Variants in SGCZ observed in about 807,000 individuals in gnomAD.
The protein encoded by SGCZ is sarcoglycan zeta, also known as zeta-sarcoglycan.
A neutral mutation model predicts 41.3 loss-of-function variants in SGCZ; 40 were observed. The ratio of observed to expected loss-of-function variants is 0.97; its 90% CI spans 0.75 to 1.26. SGCZ has a LOEUF of 1.26. Ranked by LOEUF, SGCZ falls within the 50% of genes most tolerant of loss-of-function variation. SGCZ has a pLI of 0.00. For missense variants in SGCZ, 552 were observed against 369.8 expected, an observed-to-expected ratio of 1.49 and a Z score of -4.04; for synonymous variants, 206 against 137.5, an observed-to-expected ratio of 1.50 and a Z score of -3.49.
intron 1 of SGCZ, among the ~76,000 whole-genome samples, chr8:14,885,411 G>A (rs553428278): frequency 1.3e-4 from 20 of 152,108 alleles, no homozygotes; most frequent in Non-Finnish European, 2.6e-4. Context: ...TGAATTTTGA[G>A]TATGATACAT....
intron 1 of SGCZ, among the ~76,000 whole-genome samples, chr8:15,119,788 G>C (rs1807409857): frequency 6.6e-6 from 1 of 151,890 alleles, no homozygotes; most frequent in African/African-American, 2.4e-5. Context: ...TCTCCATCTG[G>C]CCCTAACACT....
At chr8:14,519,444 C>T (rs913605870) in intron 2 of SGCZ, among the ~76,000 whole-genome samples, 50 of 152,048 alleles carry the variant, frequency 3.3e-4, no homozygotes, top group Non-Finnish European at 2.9e-4. Flanking sequence ...TAACTCTCTA[C>T]TTTTAATAAG....
chr8:14,840,560 T>C (rs1460071680), intron 1 of SGCZ, among the ~76,000 whole-genome samples: 1 of 152,116 alleles, frequency 6.6e-6, no homozygotes, highest in Admixed American at 6.5e-5. Context: ...TAAGTGGGAC[T>C]AATGGAGGGG....
intron 2 of SGCZ, among the ~76,000 whole-genome samples, chr8:14,391,926 T>C (rs966850687): frequency 6.6e-6 from 1 of 151,932 alleles, no homozygotes; most frequent in African/African-American, 2.4e-5. Context: ...CTTTAGAAAA[T>C]TCACTATTGC....
intron 1 of SGCZ, among the ~76,000 whole-genome samples, chr8:14,799,955 T>C (rs944145730): frequency 6.6e-6 from 1 of 152,176 alleles, no homozygotes; most frequent in African/African-American, 2.4e-5. Flanking sequence ...AGAGGTATTT[T>C]TGTAAAAAGT....
intron 1 of SGCZ, among the ~76,000 whole-genome samples, chr8:14,882,281 T>C (rs1804620761): frequency 6.6e-6 from 1 of 152,132 alleles, no homozygotes; most frequent in Non-Finnish European, 1.5e-5. Context: ...AGGGAACCTT[T>C]GGGAAGCATA....
intron 2 of SGCZ, among the ~76,000 whole-genome samples, chr8:14,446,872 CGAG>C (rs1422777965): frequency 6.6e-6 from 1 of 151,966 alleles, no homozygotes; most frequent in Non-Finnish European, 1.5e-5. Context: ...TAAAAGATCA[CGAG>C]GAGATTATAG....
intron 1 of SGCZ, among the ~76,000 whole-genome samples, chr8:15,105,568 T>C (rs909072767): frequency 2.0e-5 from 3 of 152,066 alleles, no homozygotes; most frequent in Admixed American, 1.3e-4. Context: ...AAGACCATCA[T>C]GAGAACAGGA....
At chr8:14,641,819 TA>T (rs1807037068) in intron 1 of SGCZ, among the ~76,000 whole-genome samples, 1 of 151,576 alleles carries the variant, frequency 6.6e-6, no homozygotes, top group South Asian at 2.1e-4. Flanking sequence ...TCCTTGCAAT[TA>T]TGGGAATAAA....
intron 1 of SGCZ, among the ~76,000 whole-genome samples, chr8:14,624,555 A>ATTATTATTT (rs1438250019): frequency 4.3e-4 from 41 of 96,236 alleles, no homozygotes; most frequent in East Asian, 7.7e-4. Flanking sequence ...TATTATTATT[A>ATTATTATTT]TTTTTTTTTT....
intron 1 of SGCZ, among the ~76,000 whole-genome samples, chr8:15,192,859 TG>T (rs1448708035): frequency 6.6e-6 from 1 of 152,076 alleles, no homozygotes; most frequent in Non-Finnish European, 1.5e-5. Flanking sequence ...TAACCAGTTT[TG>T]TTTTATTTTA....
chr8:15,113,817 A>C (rs758211562), intron 1 of SGCZ, among the ~76,000 whole-genome samples: 2 of 152,312 alleles, frequency 1.3e-5, no homozygotes, highest in East Asian at 3.9e-4. Context: ...CAGTAAAAGC[A>C]AAGTCTGTAA....
intron 3 of SGCZ, among the ~76,000 whole-genome samples, chr8:14,272,491 A>G (rs1297344089): frequency 2.0e-5 from 3 of 152,180 alleles, no homozygotes; most frequent in Admixed American, 2.0e-4. Context: ...TTGTGGGGTG[A>G]ATGACTTAAT....
chr8:14,957,702 G>A (rs1341643066), intron 1 of SGCZ, among the ~76,000 whole-genome samples: 3 of 151,578 alleles, frequency 2.0e-5, no homozygotes, highest in Admixed American at 6.6e-5. Flanking sequence ...CTATTTTTAC[G>A]GCAAATTTTA....
intron 1 of SGCZ, among the ~76,000 whole-genome samples, chr8:14,890,341 A>T (rs956604686): frequency 6.6e-6 from 1 of 152,162 alleles, no homozygotes; most frequent in African/African-American, 2.4e-5. Flanking sequence ...TAAAAGTGTT[A>T]CTCTAGTGAA....
At chr8:14,871,857 T>C (rs1394703745) in intron 1 of SGCZ, among the ~76,000 whole-genome samples, 1 of 150,684 alleles carries the variant, frequency 6.6e-6, no homozygotes. Flanking sequence ...TATATATGCA[T>C]GTATGTATAT....
intron 1 of SGCZ, among the ~76,000 whole-genome samples, chr8:14,750,664 A>G: frequency 6.6e-6 from 1 of 152,192 alleles, no homozygotes; most frequent in East Asian, 1.9e-4. Context: ...AGACATTATG[A>G]TACAAAATGA....
At chr8:14,476,725 G>A (rs893362064) in intron 2 of SGCZ, among the ~76,000 whole-genome samples, 1 of 152,148 alleles carries the variant, frequency 6.6e-6, no homozygotes, top group Non-Finnish European at 1.5e-5. Flanking sequence ...TAGCTATTAA[G>A]ATTCATACTT....
intron 3 of SGCZ, among the ~76,000 whole-genome samples, chr8:14,267,367 A>T (rs1015146982): frequency 2.0e-5 from 3 of 152,108 alleles, no homozygotes; most frequent in Admixed American, 2.0e-4. Flanking sequence ...GTTATCATTT[A>T]AATTTTATTT....
Sources: allele counts gnomAD v4.1 joint callset (sites outside exome capture counted in the v4.1 genomes callset), GRCh38; gene constraint gnomAD v4.1.1; transcripts MANE v1.5; gene names NCBI Gene and HGNC (gene_info 2026-07-23, HGNC 2026-07-21).